Variants in PALM2AKAP2 observed in about 807,000 individuals in gnomAD.
PALM2AKAP2 encodes the protein PALM2-AKAP2 fusion protein.
In PALM2AKAP2, 37 loss-of-function variants were observed where a neutral mutation model predicts 71.5. The observed-to-expected ratio is 0.52, with a 90% CI of 0.40 to 0.68. The LOEUF is 0.68. Ranked by LOEUF, PALM2AKAP2 falls within the 30% of genes least tolerant of loss-of-function variation. PALM2AKAP2 has a pLI of 0.00. For synonymous variants in PALM2AKAP2, 468 were observed against 478.8 expected, an observed-to-expected ratio of 0.98 and a Z score of 0.29; for missense variants, 1,224 against 1,191.8, an observed-to-expected ratio of 1.03 and a Z score of -0.40.
At chr9:110,155,473 A>T (rs746575515) in intron 2 of PALM2AKAP2, among the ~76,000 whole-genome samples, 1 of 152,084 alleles carries the variant, frequency 6.6e-6, no homozygotes, top group Non-Finnish European at 1.5e-5. Flanking sequence ...GGAGGGAGGG[A>T]TGGAAATGGT....
intron 6 of PALM2AKAP2, among the ~76,000 whole-genome samples, chr9:110,002,330 A>G (rs567246042): frequency 3.3e-5 from 5 of 152,142 alleles, no homozygotes; most frequent in East Asian, 1.9e-4. Flanking sequence ...TGACTTGCAT[A>G]TGTTGAACCA....
chr9:109,683,192 T>A (rs62581695), intron 1 of PALM2AKAP2, among the ~76,000 whole-genome samples: 27,406 of 152,184 alleles, frequency 0.18, 2,622 homozygotes, highest in Middle Eastern at 0.32. Flanking sequence ...GATGCCACTA[T>A]GCTTTCTGTA....
intron 1 of PALM2AKAP2, among the ~76,000 whole-genome samples, chr9:110,074,337 A>G (rs1364024960): frequency 6.6e-6 from 1 of 152,148 alleles, no homozygotes; most frequent in Admixed American, 6.5e-5. Flanking sequence ...ATAAGTAAGT[A>G]AAAGTCATGA....
chr9:110,164,644 C>A (rs1337177014), intron 3 of PALM2AKAP2, among the ~76,000 whole-genome samples: 1 of 151,378 alleles, frequency 6.6e-6, no homozygotes, highest in Non-Finnish European at 1.5e-5. Context: ...GAGTCTCATG[C>A]CTCAACCTCC....
intron 3 of PALM2AKAP2, among the ~76,000 whole-genome samples, chr9:109,911,506 GA>G (rs1779354340): frequency 6.6e-6 from 1 of 152,186 alleles, no homozygotes; most frequent in African/African-American, 2.4e-5. Flanking sequence ...GCTTCAATAT[GA>G]TTACATCACC....
At chr9:110,006,800 G>A (rs74714972) in intron 6 of PALM2AKAP2, among the ~76,000 whole-genome samples, 2,814 of 152,248 alleles carry the variant, frequency 0.018, 97 homozygotes, top group African/African-American at 0.064. Context: ...TAAGTGCTTA[G>A]CTGATGGCCC....
chr9:109,891,161 G>A (rs1830079779), intron 3 of PALM2AKAP2, among the ~76,000 whole-genome samples: 3 of 152,166 alleles, frequency 2.0e-5, no homozygotes, highest in East Asian at 1.9e-4. Context: ...TTTAAAGACC[G>A]GTAGCATTCA....
At chr9:109,756,919 G>C (rs922715499) in intron 1 of PALM2AKAP2, among the ~76,000 whole-genome samples, 2 of 151,954 alleles carry the variant, frequency 1.3e-5, no homozygotes, top group African/African-American at 4.8e-5. Context: ...ATCAAATCTG[G>C]GTATTTAAGA....
chr9:110,003,260 T>C (rs1832715615), intron 6 of PALM2AKAP2, among the ~76,000 whole-genome samples: 1 of 152,172 alleles, frequency 6.6e-6, no homozygotes, highest in Non-Finnish European at 1.5e-5. Context: ...TCAAAGAACA[T>C]CTTTATTTCT....
chr9:110,164,188 G>A (rs1460240257), intron 3 of PALM2AKAP2, among the ~76,000 whole-genome samples: 2 of 152,116 alleles, frequency 1.3e-5, no homozygotes, highest in African/African-American at 4.8e-5. Context: ...TCTCCCCTTT[G>A]AGTCCATTTA....
chr9:109,771,226 C>G (rs7032211), intron 1 of PALM2AKAP2, among the ~76,000 whole-genome samples: 1 of 152,040 alleles, frequency 6.6e-6, no homozygotes, highest in Non-Finnish European at 1.5e-5. Flanking sequence ...AGGGATAACC[C>G]CTTTTCCTTC....
At chr9:110,162,596 A>G (rs1457617199) in intron 3 of PALM2AKAP2, among the ~76,000 whole-genome samples, 1 of 152,212 alleles carries the variant, frequency 6.6e-6, no homozygotes, top group Non-Finnish European at 1.5e-5. Context: ...TTTAAGATGA[A>G]CCATCCTAAT....
chr9:110,026,081 A>ATTTC (rs1368703741), intron 7 of PALM2AKAP2, among the ~76,000 whole-genome samples: 226 of 151,032 alleles, frequency 1.5e-3, no homozygotes, highest in African/African-American at 5.3e-3. Flanking sequence ...TCACTCTTTT[A>ATTTC]TTTATTTCTT....
chr9:110,001,676 C>T (rs536393395), intron 6 of PALM2AKAP2, among the ~76,000 whole-genome samples: 39 of 152,048 alleles, frequency 2.6e-4, no homozygotes, highest in Non-Finnish European at 4.7e-4. Flanking sequence ...TGTTTGTATC[C>T]TCTTTGATTT....
chr9:109,652,639 A>G (rs924530295), intron 1 of PALM2AKAP2, among the ~76,000 whole-genome samples: 2 of 152,172 alleles, frequency 1.3e-5, no homozygotes, highest in African/African-American at 4.8e-5. Context: ...TACTTTTAAT[A>G]CTTCAATTTC....
At chr9:110,043,179 A>G (rs971190876) in intron 7 of PALM2AKAP2, among the ~76,000 whole-genome samples, 3 of 152,206 alleles carry the variant, frequency 2.0e-5, no homozygotes, top group Non-Finnish European at 4.4e-5. Flanking sequence ...CAACTCACAC[A>G]TAAACCCCTT....
intron 6 of PALM2AKAP2, among the ~76,000 whole-genome samples, chr9:110,000,316 T>C (rs1832659679): frequency 1.3e-5 from 2 of 152,178 alleles, no homozygotes; most frequent in South Asian, 4.1e-4. Context: ...TCCAGCTTCA[T>C]CCATGTCCAT....
At chr9:110,078,943 G>A (rs1159898407) in intron 1 of PALM2AKAP2, among the ~76,000 whole-genome samples, 1 of 152,202 alleles carries the variant, frequency 6.6e-6, no homozygotes, top group Non-Finnish European at 1.5e-5. Flanking sequence ...AATAGCAACT[G>A]CTTATGACAA....
At chr9:109,782,427 A>G (rs975866040) in intron 1 of PALM2AKAP2, among the ~76,000 whole-genome samples, 3 of 152,144 alleles carry the variant, frequency 2.0e-5, no homozygotes, top group Admixed American at 6.5e-5. Context: ...GATTGAAACT[A>G]TTGGAAAAAA....
Sources: allele counts gnomAD v4.1 joint callset (sites outside exome capture counted in the v4.1 genomes callset), GRCh38; gene constraint gnomAD v4.1.1; transcripts MANE v1.5; gene names NCBI Gene and HGNC (gene_info 2026-07-23, HGNC 2026-07-21).